The following IGF2BP3 variants were observed in gnomAD, a reference collection of about 807,000 sequenced individuals.
The protein encoded by IGF2BP3 is insulin-like growth factor 2 mRNA-binding protein 3.
A neutral mutation model predicts 73.8 loss-of-function variants in IGF2BP3; 9 were observed. The observed-to-expected ratio is 0.12, with a 90% CI of 0.07 to 0.21. The LOEUF (loss-of-function observed/expected upper bound fraction) is 0.21. Ranked by LOEUF, IGF2BP3 falls within the 10% of genes least tolerant of loss-of-function variation. The probability of loss-of-function intolerance (pLI) is 1.00; values close to 1 mark genes in which losing one functional copy is unlikely to be tolerated. For missense variants in IGF2BP3, 542 were observed against 714.0 expected, an observed-to-expected ratio of 0.76 and a Z score of 2.75; for synonymous variants, 258 against 256.7, an observed-to-expected ratio of 1.01 and a Z score of -0.05.
intron 3 of IGF2BP3, among the ~76,000 whole-genome samples, chr7:23,393,929 T>C (rs1786366245): frequency 1.3e-5 from 2 of 152,322 alleles, no homozygotes; most frequent in Admixed American, 6.5e-5. Flanking sequence ...ATGGACTGGA[T>C]ACTTAAGAGG....
chr7:23,436,992 G>A lies in IGF2BP3; in HGVS notation c.237-18168C>T, dbSNP rs771023955. ...TTAGCCAGGCATGGTGGTGGTGTGC[G>A]CCTGTAGTCCCAGCTATTTAGGAAG... is the stretch of plus-strand genomic sequence containing the variant. On this transcript the variant is annotated intron_variant, in intron 2 of 14. Transcript: ENST00000258729. 2.6e-5 allele frequency among the ~76,000 whole-genome samples: 4 copies of A among 151,668 alleles called. No homozygotes were observed. In the East Asian group the frequency reaches 5.9e-4, roughly 22 times the overall value.
chr7:23,423,086 G>A (rs964591038), intron 2 of IGF2BP3, among the ~76,000 whole-genome samples: 4 of 152,172 alleles, frequency 2.6e-5, no homozygotes, highest in South Asian at 2.1e-4. Context: ...TGCAGTTAGC[G>A]TTTGATATCT....
At chr7:23,351,082 T>C (rs1368664115) in intron 6 of IGF2BP3, among the ~76,000 whole-genome samples, 6 of 152,176 alleles carry the variant, frequency 3.9e-5, no homozygotes, top group Non-Finnish European at 7.4e-5. Flanking sequence ...TTGTTTTCCA[T>C]TCATGTGTGA....
intron 3 of IGF2BP3, among the ~76,000 whole-genome samples, chr7:23,370,958 C>T (rs1371189571): frequency 2.6e-5 from 4 of 152,122 alleles, no homozygotes; most frequent in African/African-American, 7.2e-5. Context: ...GGATTACAGG[C>T]GTGAGTCACT....
At chr7:23,342,022 A>T in intron 10 of IGF2BP3, 42 bp downstream of exon 10, 3 of 1,510,516 alleles carry the variant, frequency 2.0e-6, no homozygotes. Context: ...TTACATTAAG[A>T]TTTTGCCCAA....
chr7:23,389,735 C>G (rs774584683), intron 3 of IGF2BP3, among the ~76,000 whole-genome samples: 1 of 150,128 alleles, frequency 6.7e-6, no homozygotes, highest in Non-Finnish European at 1.5e-5. Flanking sequence ...AGCTCATGCT[C>G]ATAATACCAG....
intron 3 of IGF2BP3, among the ~76,000 whole-genome samples, chr7:23,364,810 G>A (rs1785327273): frequency 6.6e-6 from 1 of 152,146 alleles, no homozygotes; most frequent in Admixed American, 6.6e-5. Context: ...TTGGATGGAG[G>A]TGGGGGTAGC....
chr7:23,423,985 G>T (rs1787426370), intron 2 of IGF2BP3, among the ~76,000 whole-genome samples: 1 of 152,094 alleles, frequency 6.6e-6, no homozygotes, highest in Non-Finnish European at 1.5e-5. Context: ...GGGCATGGTG[G>T]TATGCGCCTG....
At chr7:23,431,106 T>C (rs1429168025) in intron 2 of IGF2BP3, 2 of 152,340 alleles carry the variant, frequency 1.3e-5, no homozygotes, top group Non-Finnish European at 2.9e-5. Flanking sequence ...TACATATCTG[T>C]ACATACACAC....
chr7:23,397,954 GA>G (rs767088731), intron 3 of IGF2BP3, among the ~76,000 whole-genome samples: 1 of 152,166 alleles, frequency 6.6e-6, no homozygotes, highest in Non-Finnish European at 1.5e-5. Context: ...AGGGGCGAGA[GA>G]GGAGGCAAAG....
intron 2 of IGF2BP3, among the ~76,000 whole-genome samples, chr7:23,452,800 CAA>C (rs34216508): frequency 2.6e-5 from 3 of 114,250 alleles, no homozygotes; most frequent in Non-Finnish European, 1.8e-5. Flanking sequence ...AGACTCATCT[CAA>C]AAAAAAAAAA....
intron 2 of IGF2BP3, among the ~76,000 whole-genome samples, chr7:23,451,722 G>C (rs1668598883): frequency 1.3e-5 from 2 of 152,226 alleles, no homozygotes; most frequent in South Asian, 4.1e-4. Flanking sequence ...GCCGAGGCAA[G>C]CAGATCATTT....
intron 13 of IGF2BP3, 86 bp downstream of exon 13, chr7:23,313,436 G>T: frequency 6.9e-7 from 1 of 1,456,972 alleles, no homozygotes; most frequent in Non-Finnish European, 9.2e-7. Context: ...TTATAAATTA[G>T]CCAAAATTCG....
At chr7:23,421,033 A>G (rs980828316) in intron 2 of IGF2BP3, among the ~76,000 whole-genome samples, 1 of 152,126 alleles carries the variant, frequency 6.6e-6, no homozygotes, top group African/African-American at 2.4e-5. Flanking sequence ...GTGTGTGACA[A>G]GAGTCTCGCT....
At chr7:23,317,427 C>T (rs558332437) in intron 12 of IGF2BP3, among the ~76,000 whole-genome samples, 3 of 152,186 alleles carry the variant, frequency 2.0e-5, no homozygotes, top group African/African-American at 7.2e-5. Flanking sequence ...CTTTGAGAGA[C>T]AGGTAAATCC....
In IGF2BP3 at chr7:23,438,712, T is replaced by G. The variant is rs191548330; in HGVS notation, c.237-19888A>C. The stretch of plus-strand genomic sequence containing the variant: ...GGCTGATAAAATAATCTTTAAAAAT[T>G]TAGTTAAATAAATTTAGTTATAATA... On this transcript the variant is annotated intron_variant, in intron 2 of 14. Transcript: ENST00000258729. Among the ~76,000 whole-genome samples the G allele has an allele frequency of 4.5e-3, 684 of 152,324 alleles. 1 individual carries two copies. The highest frequency in any genetic ancestry group is 7.4e-3 in the Non-Finnish European group (501 of 68,020).
intron 3 of IGF2BP3, among the ~76,000 whole-genome samples, chr7:23,372,694 C>T (rs1409474362): frequency 6.6e-6 from 1 of 152,178 alleles, no homozygotes; most frequent in Non-Finnish European, 1.5e-5. Context: ...CTAACAAGTG[C>T]CCTGAAGGCC....
At chr7:23,393,827 C>G (rs1319062781) in intron 3 of IGF2BP3, among the ~76,000 whole-genome samples, 3 of 152,146 alleles carry the variant, frequency 2.0e-5, no homozygotes, top group African/African-American at 7.2e-5. Context: ...AATCTAGGAT[C>G]AGTGAGAAGA....
chr7:23,356,532 C>T (rs1785100573), intron 5 of IGF2BP3, among the ~76,000 whole-genome samples: 2 of 152,232 alleles, frequency 1.3e-5, no homozygotes, highest in African/African-American at 4.8e-5. Context: ...ACTCCCAAGT[C>T]TGCCTGGGCA....
Sources: gnomAD v4.1 joint callset for allele counts (sites outside exome capture counted in the v4.1 genomes callset) on GRCh38, gnomAD v4.1.1 for gene constraint, MANE v1.5 for transcripts, NCBI Gene and HGNC (gene_info 2026-07-23, HGNC 2026-07-21) for gene names.